The following SPSB1 variants were observed in gnomAD, a reference collection of about 807,000 sequenced individuals.
SPSB1 encodes splA/ryanodine receptor domain and SOCS box containing 1, also known as SPRY domain-containing SOCS box protein 1.
SPSB1 carries 8 observed loss-of-function variants against 21.2 expected under a neutral mutation model. The observed-to-expected ratio is 0.38, with a 90% CI of 0.22 to 0.68. The LOEUF is 0.68. Ranked by LOEUF, SPSB1 falls within the 30% of genes least tolerant of loss-of-function variation. The pLI is 0.53. For missense variants in SPSB1, 242 were observed against 377.8 expected, an observed-to-expected ratio of 0.64 and a Z score of 2.98; for synonymous variants, 169 against 161.7, an observed-to-expected ratio of 1.05 and a Z score of -0.34.
intron 1 of SPSB1, among the ~76,000 whole-genome samples, chr1:9,302,416 G>A (rs1156317436): frequency 2.0e-5 from 3 of 152,196 alleles, no homozygotes; most frequent in Admixed American, 6.5e-5. Flanking sequence ...GGGTGTTTTT[G>A]GAGGACACTG....
intron 1 of SPSB1, among the ~76,000 whole-genome samples, chr1:9,294,092 CTGTG>C (rs1430346087): frequency 1.9e-4 from 22 of 115,306 alleles, no homozygotes; most frequent in Middle Eastern, 7.3e-3. Flanking sequence ...CTGTGTATGT[CTGTG>C]TGTCTTTGTG....
intron 1 of SPSB1, among the ~76,000 whole-genome samples, chr1:9,308,307 G>A (rs1184003797): frequency 1.3e-5 from 2 of 152,158 alleles, no homozygotes. Flanking sequence ...ATCCTTGGTG[G>A]GGTCATGGAT....
intron 2 of SPSB1, among the ~76,000 whole-genome samples, chr1:9,362,978 A>C (rs1442414468): frequency 6.6e-6 from 1 of 152,230 alleles, no homozygotes; most frequent in Non-Finnish European, 1.5e-5. Flanking sequence ...CCCCCTCGGT[A>C]GATTTCAGCA....
intron 1 of SPSB1, among the ~76,000 whole-genome samples, chr1:9,341,305 G>T (rs1462700312): frequency 6.6e-6 from 1 of 152,198 alleles, no homozygotes. Context: ...CATGAGGGAG[G>T]CAGTGGGGGA....
chr1:9,299,631 C>T (rs1639293020), intron 1 of SPSB1, among the ~76,000 whole-genome samples: 1 of 152,052 alleles, frequency 6.6e-6, no homozygotes, highest in South Asian at 2.1e-4. Flanking sequence ...AGGCATGCGC[C>T]ACCACACCCA....
chr1:9,357,161 G>A (rs200987869), intron 2 of SPSB1, among the ~76,000 whole-genome samples: 33,253 of 97,410 alleles, frequency 0.34, 4,632 homozygotes, highest in East Asian at 0.45. Context: ...GGATGGATGG[G>A]TGGATGGATG....
intron 1 of SPSB1, among the ~76,000 whole-genome samples, chr1:9,342,945 G>T (rs898243303): frequency 1.3e-5 from 2 of 152,182 alleles, no homozygotes; most frequent in Non-Finnish European, 2.9e-5. Flanking sequence ...AAACAGCCAG[G>T]TCTCTGTAAG....
At chr1:9,314,133 A>G (rs1027489083) in intron 1 of SPSB1, among the ~76,000 whole-genome samples, 1 of 151,228 alleles carries the variant, frequency 6.6e-6, no homozygotes, top group Non-Finnish European at 1.5e-5. Flanking sequence ...CTGAGATCGC[A>G]CTACTGCACT....
At chr1:9,314,820 TGC>T (rs2100475074) in intron 1 of SPSB1, among the ~76,000 whole-genome samples, 1 of 152,276 alleles carries the variant, frequency 6.6e-6, no homozygotes, top group Admixed American at 6.5e-5. Flanking sequence ...CAAACTCACA[TGC>T]CCCCCGGGGT....
At chr1:9,308,659 A>G (rs1246375933) in intron 1 of SPSB1, among the ~76,000 whole-genome samples, 2 of 152,228 alleles carry the variant, frequency 1.3e-5, no homozygotes, top group African/African-American at 4.8e-5. Context: ...TTGCCACTGT[A>G]GATGGGTTTT....
At chr1:9,330,526 C>G (rs1031269586) in intron 1 of SPSB1, among the ~76,000 whole-genome samples, 3 of 114,434 alleles carry the variant, frequency 2.6e-5, no homozygotes, top group African/African-American at 1.1e-4. Context: ...CTCCTACCAC[C>G]CCAAGGGAAC....
rs1240170363 is a variant in SPSB1 at position 9,363,745 on chromosome 1, G to C, written c.695-3703G>C. ...GATGGAGTCTCATTCTGTCACCCAG[G>C]CTGTAGTGCAGTGGCGCAATCTCAG... is the stretch of plus-strand genomic sequence containing the variant. On this transcript the variant is annotated intron_variant, in intron 2 of 2. Coordinates refer to ENST00000328089, the MANE Select transcript of SPSB1 (RefSeq NM_025106.4). This position sits in a 1 kb window ranked among gnomAD's most constrained non-coding sequence, Gnocchi z 4.5. Among the ~76,000 whole-genome samples, 1 of 151,996 alleles carries C rather than the reference G, an allele frequency of 6.6e-6. No individual in the cohort carries two copies. The highest frequency in any genetic ancestry group is 1.5e-5 in the Non-Finnish European group (1 of 67,992).
intron 1 of SPSB1, among the ~76,000 whole-genome samples, chr1:9,332,203 AT>A (rs1467335505): frequency 2.6e-5 from 4 of 151,864 alleles, no homozygotes; most frequent in Admixed American, 2.6e-4. Context: ...AAAAAAAAAA[AT>A]CTCAATGAGA....
rs1215502974 is a variant in SPSB1, at chr1:9,368,899, C to T, written c.*1324C>T. On this transcript the variant is annotated 3_prime_UTR_variant, in exon 3 of 3. Coordinates refer to ENST00000328089, the MANE Select transcript of SPSB1 (RefSeq NM_025106.4). ...GAGAGGGGTGCCCTATCCCTGGCAA[C>T]CCCTCCACGTAGCGTACCCCAGCAC... is the stretch of plus-strand genomic sequence containing the variant. The T allele has an allele frequency of 1.3e-5, 2 of 152,538 alleles. No individual in the cohort carries two copies. The highest frequency in any genetic ancestry group is 2.4e-5 in the African/African-American group (1 of 41,396). The allele number at this position is 152,538 out of a possible 1,614,324, so 9.4% of individuals were successfully genotyped here.
intron 1 of SPSB1, among the ~76,000 whole-genome samples, chr1:9,350,972 G>A (rs577008988): frequency 6.6e-6 from 1 of 152,330 alleles, no homozygotes; most frequent in East Asian, 1.9e-4. Flanking sequence ...GTGTTAACAG[G>A]AGCCATCCAG....
At chr1:9,307,161 C>G (rs979285769) in intron 1 of SPSB1, among the ~76,000 whole-genome samples, 2 of 152,234 alleles carry the variant, frequency 1.3e-5, no homozygotes, top group East Asian at 3.9e-4. Context: ...CTCCTGACCT[C>G]AGGTGATCTG....
rs76253052 is a variant in SPSB1 at position 9,348,937 on chromosome 1, A to ATGTG, written c.-149-6782_-149-6779dup. Among the ~76,000 whole-genome samples, 57 of 150,836 alleles carry ATGTG rather than the reference A, an allele frequency of 3.8e-4. No individual in the cohort carries two copies. Among genetic ancestry groups the ATGTG allele is most frequent in the South Asian group, 1.5e-3 (7 of 4,758 alleles). On this transcript the variant is annotated intron_variant, in intron 1 of 2. Coordinates refer to ENST00000328089, the MANE Select transcript of SPSB1 (RefSeq NM_025106.4). This position sits in a 1 kb window ranked among gnomAD's most constrained non-coding sequence, Gnocchi z 4.8. ...GACATCCCCTTTCACTCGTGCAAGA[A>ATGTG]TGTGTGTGTGTGTGTGTGTGTGTGT...
In SPSB1 at chr1:9,301,047, G is replaced by A. The variant is rs1036648180; in HGVS notation, c.-150+7976G>A. On this transcript the variant is annotated intron_variant, in intron 1 of 2. Coordinates refer to ENST00000328089, the MANE Select transcript of SPSB1 (RefSeq NM_025106.4). ...GGGAAATCCTCCCTGGCAGAGCTTC[G>A]GGCAGTGCACCTGGTTGTGCACCTT... 3.3e-5 allele frequency among the ~76,000 whole-genome samples: 5 copies of A among 152,356 alleles called. No individual in the cohort carries two copies. The South Asian group carries it at 6.2e-4, about 19-fold the overall frequency.
At chr1:9,311,111 C>T (rs775749663) in intron 1 of SPSB1, among the ~76,000 whole-genome samples, 77 of 151,714 alleles carry the variant, frequency 5.1e-4, no homozygotes, top group Non-Finnish European at 9.4e-4. Flanking sequence ...AAGCCAAGTC[C>T]TTACCCCCAC....
Sources: allele counts gnomAD v4.1 joint callset (sites outside exome capture counted in the v4.1 genomes callset), GRCh38; gene constraint gnomAD v4.1.1; non-coding constraint Gnocchi (gnomAD v3.1); transcripts MANE v1.5; gene names NCBI Gene and HGNC (gene_info 2026-07-23, HGNC 2026-07-21).